Variants in SMPD3 observed in about 807,000 individuals in gnomAD.
The protein encoded by SMPD3 is sphingomyelin phosphodiesterase 3.
In SMPD3, 21 loss-of-function variants were observed where a neutral mutation model predicts 55.7. The observed-to-expected ratio is 0.38, with a 90% CI of 0.27 to 0.54. SMPD3 has a LOEUF of 0.54. Among genes scored for constraint, SMPD3 ranks in the 20% least tolerant of loss-of-function variants. The probability of loss-of-function intolerance (pLI) is 0.80; values close to 1 mark genes in which losing one functional copy is unlikely to be tolerated. For synonymous variants in SMPD3, 457 were observed against 404.3 expected (o/e 1.13, Z -1.56); for missense variants, 842 against 899.6 (o/e 0.94, Z 0.82).
At chr16:68,376,093 T>C (rs2089806371) in intron 2 of SMPD3, among the ~76,000 whole-genome samples, 1 of 152,206 alleles carries the variant, frequency 6.6e-6, no homozygotes. Flanking sequence ...AATTATCTTG[T>C]CTCAGGGAAA....
intron 1 of SMPD3, among the ~76,000 whole-genome samples, chr16:68,421,930 T>A (rs1365031417): frequency 6.6e-6 from 1 of 152,164 alleles, no homozygotes; most frequent in African/African-American, 2.4e-5. Context: ...TCAAGCATCT[T>A]GAGATGGGGA....
At chr16:68,417,963 C>T (rs551618759) in intron 1 of SMPD3, among the ~76,000 whole-genome samples, 1 of 152,342 alleles carries the variant, frequency 6.6e-6, no homozygotes, top group South Asian at 2.1e-4. Flanking sequence ...GCCTGCATCA[C>T]ATAATTATTC....
intron 1 of SMPD3, among the ~76,000 whole-genome samples, chr16:68,427,627 G>A (rs1028499009): frequency 1.3e-5 from 2 of 152,094 alleles, no homozygotes; most frequent in Non-Finnish European, 2.9e-5. Flanking sequence ...CATTGCTAGA[G>A]GCTCCCATAC....
intron 2 of SMPD3, among the ~76,000 whole-genome samples, chr16:68,377,923 T>C (rs116977332): frequency 0.011 from 1,708 of 152,282 alleles, 21 homozygotes; most frequent in South Asian, 0.017. Flanking sequence ...GCCTACAGCA[T>C]TTTCTAGGGA....
intron 1 of SMPD3, among the ~76,000 whole-genome samples, chr16:68,397,166 G>T (rs1390206506): frequency 1.3e-5 from 2 of 152,160 alleles, no homozygotes; most frequent in East Asian, 3.9e-4. Context: ...CATTTTGACC[G>T]ATGGGGCTCT....
At chr16:68,397,501 G>T (rs1026075715) in intron 1 of SMPD3, among the ~76,000 whole-genome samples, 1 of 152,136 alleles carries the variant, frequency 6.6e-6, no homozygotes, top group Non-Finnish European at 1.5e-5. Context: ...TCAGCCTTGC[G>T]CCCTCCATTT....
intron 3 of SMPD3, 46 bp from the exon 4 acceptor site, chr16:68,365,138 C>T: frequency 6.2e-7 from 1 of 1,600,636 alleles, no homozygotes; most frequent in Non-Finnish European, 8.6e-7. Flanking sequence ...GTCACTGTGG[C>T]CCTGAGAGCA....
chr16:68,422,833 C>T (rs534176385), intron 1 of SMPD3, among the ~76,000 whole-genome samples: 6 of 152,196 alleles, frequency 3.9e-5, no homozygotes, highest in African/African-American at 1.4e-4. Flanking sequence ...CTGGTTCCTT[C>T]GTTAAAGTGA....
intron 1 of SMPD3, among the ~76,000 whole-genome samples, chr16:68,403,410 A>G (rs889012068): frequency 5.3e-5 from 8 of 152,210 alleles, no homozygotes; most frequent in African/African-American, 1.7e-4. Context: ...TGACCTCTGC[A>G]TAAAGACAAG....
At chr16:68,364,558 T>C in intron 5 of SMPD3, 193 bp downstream of exon 5, 1 of 656,322 alleles carries the variant, frequency 1.5e-6, no homozygotes, top group South Asian at 2.2e-5. Flanking sequence ...TCTCCAGCTT[T>C]CTAGGCAGAG....
intron 1 of SMPD3, among the ~76,000 whole-genome samples, chr16:68,409,350 G>C (rs2090279642): frequency 6.6e-6 from 1 of 152,170 alleles, no homozygotes; most frequent in African/African-American, 2.4e-5. Flanking sequence ...CTGTGGTCAT[G>C]GCAGAGCAGT....
intron 1 of SMPD3, among the ~76,000 whole-genome samples, chr16:68,429,603 A>T (rs756268862): frequency 9.9e-5 from 15 of 152,166 alleles, no homozygotes; most frequent in Non-Finnish European, 1.9e-4. Flanking sequence ...GGGTTGCGTG[A>T]TCAGTTGCAG....
In SMPD3 at chr16:68,371,179, C is replaced by G. The variant is rs767027645; in HGVS notation, c.1003G>C (p.Ala335Pro). ...YKASVVKKAAARRRRHPDEAF... is the reference protein window; with the variant it reads ...YKASVVKKAAPRRRRHPDEAF... The stretch of plus-strand genomic sequence containing the variant: ...TCGTCGGGGTGCCGCCTCCTGCGTG[C>G]AGCCGCCTTCTTCACCACCGAGGCC... Residue 335 changes from alanine to proline, a missense_variant, in exon 3 of 9, where the codon GCA becomes CCA. By Grantham distance (27) the Ala-to-Pro change is conservative. Around this residue, in one of 2 missense-constraint regions of SMPD3, gnomAD observed 649 missense variants for 643.6 expected, o/e 1.01. Transcript: ENST00000219334. 1.2e-6 allele frequency: 2 copies of G among 1,612,632 alleles called. No individual in the cohort carries two copies. Among genetic ancestry groups the G allele is most frequent in the Non-Finnish European group, 1.7e-6 (2 of 1,179,840 alleles).
At position 68,372,109 on chromosome 16, in the gene SMPD3, A is replaced by G; in HGVS notation, c.73T>C (p.Phe25Leu). Reference sequence around the variant, plus strand: ...CGGTCCACCAGCCAGTAGCATGGAAAGATAAGGGCCCAGGACACACAGTGC... The same window carrying G: ...CGGTCCACCAGCCAGTAGCATGGAAGGATAAGGGCCCAGGACACACAGTGC... ...ALHCVSWALI[F>L]PCYWLVDRLA... is the part of the protein sequence containing the mutation. Residue 25 changes from phenylalanine to leucine, a missense_variant, in exon 3 of 9, where the codon TTT (phenylalanine) becomes CTT (leucine). Phe to Leu is a conservative substitution (Grantham distance 22, BLOSUM62 0). Around this residue, in one of 2 missense-constraint regions of SMPD3, gnomAD observed 193 missense variants for 256.0 expected, o/e 0.75. Coordinates refer to ENST00000219334, the MANE Select transcript of SMPD3 (RefSeq NM_018667.4). 1 of 1,612,878 alleles carries G rather than the reference A, an allele frequency of 6.2e-7. No homozygotes were observed. Among genetic ancestry groups the G allele is most frequent in the South Asian group, 1.1e-5 (1 of 90,720 alleles).
chr16:68,374,301 A>G (rs1350059566), intron 2 of SMPD3, among the ~76,000 whole-genome samples: 2 of 152,222 alleles, frequency 1.3e-5, no homozygotes, highest in Admixed American at 6.5e-5. Context: ...CACCATCTCC[A>G]GGGCTTAGCG....
chr16:68,394,660 C>T (rs2090139843), intron 1 of SMPD3, among the ~76,000 whole-genome samples: 1 of 152,234 alleles, frequency 6.6e-6, no homozygotes, highest in African/African-American at 2.4e-5. Flanking sequence ...ATTCTTCAGT[C>T]ACAGCTGCTT....
intron 1 of SMPD3, among the ~76,000 whole-genome samples, chr16:68,408,691 T>G (rs754121598): frequency 3.3e-5 from 5 of 152,214 alleles, no homozygotes; most frequent in Non-Finnish European, 4.4e-5. Flanking sequence ...TTCTCTGGTC[T>G]GCCCAGACAG....
intron 1 of SMPD3, among the ~76,000 whole-genome samples, chr16:68,401,799 G>T (rs564226367): frequency 6.6e-6 from 1 of 152,316 alleles, no homozygotes; most frequent in African/African-American, 2.4e-5. Context: ...CTTCGTCGCA[G>T]ATCTTTAGAA....
chr16:68,390,298 C>A (rs1418393115), intron 1 of SMPD3, among the ~76,000 whole-genome samples: 1 of 152,226 alleles, frequency 6.6e-6, no homozygotes, highest in Non-Finnish European at 1.5e-5. Context: ...TTACTGCATC[C>A]TATTTTCATC....
Sources: allele counts gnomAD v4.1 joint callset (sites outside exome capture counted in the v4.1 genomes callset), GRCh38; gene constraint gnomAD v4.1.1; regional missense constraint gnomAD v4.1.1; transcripts MANE v1.5; gene names NCBI Gene and HGNC (gene_info 2026-07-23, HGNC 2026-07-21).